Variants in ELMO1 observed in about 807,000 individuals in gnomAD.
The protein encoded by ELMO1 is engulfment and cell motility 1, also known as engulfment and cell motility protein 1.
Under a neutral mutation model 98.9 loss-of-function variants are expected in ELMO1, and 26 were observed. The observed-to-expected ratio is 0.26, with a 90% CI of 0.19 to 0.36. ELMO1 has a LOEUF of 0.36. Ranked by LOEUF, ELMO1 falls within the 10% of genes least tolerant of loss-of-function variation. The pLI, the probability that ELMO1 is intolerant of heterozygous loss-of-function variation, is 1.00. For synonymous variants in ELMO1, 346 were observed against 346.0 expected, an observed-to-expected ratio of 1.00 and a Z score of 0.00; for missense variants, 627 against 935.2, an observed-to-expected ratio of 0.67 and a Z score of 4.30.
chr7:37,349,850 C>T (rs1801179568), intron 1 of ELMO1, among the ~76,000 whole-genome samples: 1 of 152,216 alleles, frequency 6.6e-6, no homozygotes, highest in Admixed American at 6.5e-5. Context: ...CTCTTCTCTT[C>T]TTTGTGCTAC....
intron 1 of ELMO1, among the ~76,000 whole-genome samples, chr7:37,379,532 T>C (rs1435090812): frequency 2.0e-5 from 3 of 152,222 alleles, no homozygotes; most frequent in African/African-American, 7.2e-5. Flanking sequence ...TTCCCAATTC[T>C]ATACTTCTTC....
At chr7:37,158,264 A>T (rs1018184290) in intron 13 of ELMO1, among the ~76,000 whole-genome samples, 8 of 152,180 alleles carry the variant, frequency 5.3e-5, no homozygotes, top group Non-Finnish European at 1.0e-4. Flanking sequence ...TTCATGACTA[A>T]AAACACCAAA....
chr7:37,427,636 G>A (rs998104726), intron 1 of ELMO1, among the ~76,000 whole-genome samples: 5 of 152,240 alleles, frequency 3.3e-5, no homozygotes, highest in African/African-American at 1.2e-4. Context: ...GTGAGCCTAA[G>A]TGGCAGTGGA....
At chr7:37,063,970 G>T (rs111915517) in intron 15 of ELMO1, among the ~76,000 whole-genome samples, 91 of 152,118 alleles carry the variant, frequency 6.0e-4, no homozygotes, top group African/African-American at 2.1e-3. Flanking sequence ...CTGCCAAATT[G>T]CCTAAATTCC....
intron 15 of ELMO1, among the ~76,000 whole-genome samples, chr7:37,018,219 T>A (rs1405634968): frequency 6.6e-6 from 1 of 151,918 alleles, no homozygotes; most frequent in Admixed American, 6.6e-5. Context: ...CTCCGCCTCC[T>A]GGGTTCAAGA....
chr7:36,953,791 G>T (rs996451461), intron 16 of ELMO1, among the ~76,000 whole-genome samples: 10 of 149,662 alleles, frequency 6.7e-5, no homozygotes. Context: ...TGAATGAGTA[G>T]ATTTCACTCT....
intron 13 of ELMO1, among the ~76,000 whole-genome samples, chr7:37,139,418 A>T (rs141539904): frequency 8.5e-5 from 13 of 152,340 alleles, no homozygotes; most frequent in African/African-American, 3.1e-4. Context: ...GCTCTGCTAT[A>T]TACCAACAGT....
chr7:36,921,331 A>G (rs1315636921), intron 16 of ELMO1, among the ~76,000 whole-genome samples: 2 of 152,216 alleles, frequency 1.3e-5, no homozygotes, highest in Non-Finnish European at 2.9e-5. Flanking sequence ...TGGCTCTGCC[A>G]CTTACTAGCT....
intron 1 of ELMO1, among the ~76,000 whole-genome samples, chr7:37,344,321 C>T (rs886689643): frequency 6.6e-5 from 10 of 152,160 alleles, no homozygotes; most frequent in South Asian, 2.1e-4. Context: ...CGTGAGCCAC[C>T]GTGACTGGCC....
intron 13 of ELMO1, among the ~76,000 whole-genome samples, chr7:37,202,975 A>ATCTAT (rs993311178): frequency 2.6e-4 from 39 of 152,208 alleles, no homozygotes; most frequent in African/African-American, 9.4e-4. Context: ...GACCCTGCTG[A>ATCTAT]TCGGAATAGT....
chr7:37,345,755 C>T (rs931184835), intron 1 of ELMO1, among the ~76,000 whole-genome samples: 5 of 150,738 alleles, frequency 3.3e-5, no homozygotes, highest in African/African-American at 4.9e-5. Context: ...TTTGGGAGGC[C>T]GAGGCAGGCA....
intron 15 of ELMO1, chr7:37,033,478 C>T (rs923285814): frequency 1.4e-5 from 6 of 441,448 alleles, no homozygotes; most frequent in Non-Finnish European, 2.7e-5. Flanking sequence ...ATGTCTAGGC[C>T]ATGTGTTTAG....
chr7:37,169,606 C>T (rs188876803), intron 13 of ELMO1, among the ~76,000 whole-genome samples: 56 of 152,260 alleles, frequency 3.7e-4, no homozygotes, highest in African/African-American at 1.3e-3. Flanking sequence ...GGGATAATCA[C>T]GCTAAGAAAT....
chr7:37,394,862 T>G (rs1803225377), intron 1 of ELMO1, among the ~76,000 whole-genome samples: 1 of 152,164 alleles, frequency 6.6e-6, no homozygotes, highest in South Asian at 2.1e-4. Context: ...CCCAATATCT[T>G]AAACTTGAGA....
chr7:37,305,764 G>A (rs1419120739), intron 4 of ELMO1, among the ~76,000 whole-genome samples: 1 of 152,158 alleles, frequency 6.6e-6, no homozygotes, highest in African/African-American at 2.4e-5. Flanking sequence ...ACAGAACCAC[G>A]TGAGACACAG....
intron 14 of ELMO1, among the ~76,000 whole-genome samples, chr7:37,102,751 C>T (rs1784706173): frequency 6.6e-6 from 1 of 152,170 alleles, no homozygotes; most frequent in African/African-American, 2.4e-5. Flanking sequence ...GTCACTGGTC[C>T]AAGGTCACAC....
intron 14 of ELMO1, among the ~76,000 whole-genome samples, chr7:37,106,208 C>T (rs1784937199): frequency 6.6e-6 from 1 of 152,170 alleles, no homozygotes; most frequent in Non-Finnish European, 1.5e-5. Context: ...AGGAACACTG[C>T]TATGGTTTGA....
Position 36,933,432 on chromosome 7 carries a change from C to T in ELMO1, c.1438-38415G>A, listed in dbSNP as rs184341638. 1.2e-4 allele frequency among the ~76,000 whole-genome samples: 19 copies of T among 152,276 alleles called. No individual in the cohort carries two copies. The East Asian group carries it at 1.5e-3, about 12-fold the overall frequency. The stretch of plus-strand genomic sequence containing the variant: ...TATCTTGGAACTTGGTATGGGAAGA[C>T]GAATAGTAGTTCCTGCTAAGCCTCT... On this transcript the variant is annotated intron_variant, in intron 16 of 21. Transcript: ENST00000310758.
At chr7:36,895,699 A>T (rs1268587798) in intron 16 of ELMO1, among the ~76,000 whole-genome samples, 1 of 152,224 alleles carries the variant, frequency 6.6e-6, no homozygotes, top group Non-Finnish European at 1.5e-5. Context: ...CAAGGAGGCA[A>T]TTAACCACTG....
Sources: allele counts gnomAD v4.1 joint callset (sites outside exome capture counted in the v4.1 genomes callset), GRCh38; gene constraint gnomAD v4.1.1; transcripts MANE v1.5; gene names NCBI Gene and HGNC (gene_info 2026-07-23, HGNC 2026-07-21).